PFDN1: variants seen among roughly 807,000 people sequenced by gnomAD.
The protein encoded by PFDN1 is prefoldin subunit 1, also known as prefoldin 1.
PFDN1 carries 6 observed loss-of-function variants against 17.3 expected under a neutral mutation model. The observed-to-expected ratio is 0.35, with a 90% CI of 0.19 to 0.69. The LOEUF is 0.69. Among genes scored for constraint, PFDN1 ranks in the 30% least tolerant of loss-of-function variants. The pLI is 0.65. For missense variants in PFDN1, 113 were observed against 146.2 expected (o/e 0.77, Z 1.17); for synonymous variants, 58 against 50.1 (o/e 1.16, Z -0.67).
intron 2 of PFDN1, among the ~76,000 whole-genome samples, chr5:140,298,453 C>A (rs185471440): frequency 6.6e-6 from 1 of 151,864 alleles, no homozygotes; most frequent in Non-Finnish European, 1.5e-5. Context: ...GAAAAACCCT[C>A]CTCCTGTACC....
intron 2 of PFDN1, among the ~76,000 whole-genome samples, chr5:140,297,402 A>AC (rs1765670873): frequency 1.3e-5 from 2 of 152,202 alleles, no homozygotes; most frequent in African/African-American, 2.4e-5. Context: ...CATCCTCATG[A>AC]CCAGACTAAT....
At chr5:140,282,434 C>A in intron 2 of PFDN1, among the ~76,000 whole-genome samples, 1 of 144,432 alleles carries the variant, frequency 6.9e-6, no homozygotes. Flanking sequence ...ACAGCAGTAA[C>A]TCATGACCTT....
Position 140,245,264 on chromosome 5 carries a change from G to A in PFDN1, c.*710C>T, listed in dbSNP as rs114555603. 281 of 536,956 alleles carry A rather than the reference G, an allele frequency of 5.2e-4. No homozygotes were observed. Among genetic ancestry groups the A allele is most frequent in the Admixed American group, 2.1e-3 (65 of 31,528 alleles). 33.3% of individuals were successfully genotyped at this position (536,956 alleles called of 1,614,324 possible). ...CTCTAGGAGGCCTCAGGATTATGGC[G>A]TCCATCTTATGATATTGGCCAAAAG... On this transcript the variant is annotated 3_prime_UTR_variant, in exon 4 of 4. Transcript: ENST00000261813.
intron 3 of PFDN1, chr5:140,274,074 G>T: frequency 5.9e-6 from 1 of 169,004 alleles, no homozygotes; most frequent in Non-Finnish European, 1.2e-5. Context: ...TCTGAATGCT[G>T]ACTTAAATTT....
intron 3 of PFDN1, among the ~76,000 whole-genome samples, chr5:140,259,513 A>G (rs2126681166): frequency 6.6e-6 from 1 of 152,378 alleles, no homozygotes; most frequent in East Asian, 1.9e-4. Context: ...TTAAAACCCT[A>G]CAAGTCTTCC....
chr5:140,286,302 C>T (rs1765487249), intron 2 of PFDN1, among the ~76,000 whole-genome samples: 1 of 150,038 alleles, frequency 6.7e-6, no homozygotes, highest in Non-Finnish European at 1.5e-5. Context: ...ATCCCAGCTA[C>T]TCGAGAGGCT....
At chr5:140,252,737 G>C (rs1446730283) in intron 3 of PFDN1, among the ~76,000 whole-genome samples, 1 of 152,190 alleles carries the variant, frequency 6.6e-6, no homozygotes, top group Non-Finnish European at 1.5e-5. Flanking sequence ...GTTGGTAGAA[G>C]GCAGGGGAAA....
At chr5:140,289,672 C>T (rs1765549990) in intron 2 of PFDN1, among the ~76,000 whole-genome samples, 1 of 152,174 alleles carries the variant, frequency 6.6e-6, no homozygotes, top group African/African-American at 2.4e-5. Context: ...ATCACCTGCA[C>T]CATGCATGTT....
At chr5:140,250,178 C>T (rs1339184415) in intron 3 of PFDN1, among the ~76,000 whole-genome samples, 1 of 152,134 alleles carries the variant, frequency 6.6e-6, no homozygotes, top group Non-Finnish European at 1.5e-5. Context: ...CTATTCACAC[C>T]ACAGTACTTT....
At chr5:140,296,523 T>A (rs1212231903) in intron 2 of PFDN1, among the ~76,000 whole-genome samples, 2 of 151,870 alleles carry the variant, frequency 1.3e-5, no homozygotes, top group Non-Finnish European at 2.9e-5. Context: ...GCTGAAAAAA[T>A]CTTCAGAGGC....
intron 3 of PFDN1, among the ~76,000 whole-genome samples, chr5:140,249,062 GT>G (rs1297781414): frequency 3.3e-5 from 5 of 152,186 alleles, no homozygotes; most frequent in African/African-American, 1.2e-4. Flanking sequence ...CTTTCTAACT[GT>G]ATTTCAATAA....
At chr5:140,289,029 T>TAAA (rs1765540212) in intron 2 of PFDN1, among the ~76,000 whole-genome samples, 1 of 152,176 alleles carries the variant, frequency 6.6e-6, no homozygotes, top group Admixed American at 6.5e-5. Context: ...CTCACGCCTG[T>TAAA]AATCCCAGCA....
In PFDN1 at chr5:140,300,555, T is replaced by C. The variant is rs780821305; in HGVS notation, c.61A>G (p.Ile21Val). The C allele has an allele frequency of 1.9e-6, 3 of 1,611,688 alleles. No homozygotes were observed. The highest frequency in any genetic ancestry group is 2.5e-6 in the Non-Finnish European group (3 of 1,178,908). ...AGCTTCACCTTCTGTTGAGTGTCAA[T>C]AACTTTGGCTTGAAGCTCTGTGAAG... Reference protein sequence around the residue: ...KAFTELQAKVIDTQQKVKLAD... With the variant: ...KAFTELQAKVVDTQQKVKLAD... Residue 21 changes from isoleucine to valine, a missense_variant, in exon 2 of 4, where the codon ATT becomes GTT. Coordinates refer to ENST00000261813, the MANE Select transcript of PFDN1 (RefSeq NM_002622.5).
chr5:140,277,634 G>A (rs1420382599), intron 3 of PFDN1, among the ~76,000 whole-genome samples: 1 of 151,794 alleles, frequency 6.6e-6, no homozygotes, highest in African/African-American at 2.4e-5. Context: ...AGGCTGAGGT[G>A]GGAGGATTGC....
Position 140,245,596 on chromosome 5 carries a change from C to T in PFDN1, c.*378G>A, listed in dbSNP as rs1764817241. 1 of 702,030 alleles carries T rather than the reference C, an allele frequency of 1.4e-6. No individual in the cohort carries two copies. The highest frequency in any genetic ancestry group is 2.6e-6 in the Non-Finnish European group (1 of 384,946). The allele number at this position is 702,030 out of a possible 1,614,324, so 43.5% of individuals were successfully genotyped here. A position where few individuals can be genotyped will look rare whatever the true frequency, so the allele number is the denominator to read the frequency against. ...AGACGGCCACTGCCTCTCTCACCCT[C>T]TGTTCCATCCCTCTGCTCAAGAAAA... On this transcript the variant is annotated 3_prime_UTR_variant, in exon 4 of 4. Coordinates refer to ENST00000261813, the MANE Select transcript of PFDN1 (RefSeq NM_002622.5).
chr5:140,282,451 T>C (rs1013850907), intron 2 of PFDN1, among the ~76,000 whole-genome samples: 21 of 151,092 alleles, frequency 1.4e-4, no homozygotes, highest in Admixed American at 1.4e-3. Context: ...CCTTTTAAAG[T>C]CACAATCAAG....
intron 2 of PFDN1, among the ~76,000 whole-genome samples, chr5:140,287,919 A>T (rs1439557193): frequency 6.6e-6 from 1 of 152,248 alleles, no homozygotes; most frequent in Non-Finnish European, 1.5e-5. Context: ...ATAAAATCCC[A>T]AACACTGAGA....
At chr5:140,297,148 C>T (rs1344174561) in intron 2 of PFDN1, among the ~76,000 whole-genome samples, 1 of 152,158 alleles carries the variant, frequency 6.6e-6, no homozygotes, top group African/African-American at 2.4e-5. Flanking sequence ...GGAAAATCTA[C>T]TGCATGTTCT....
intron 2 of PFDN1, among the ~76,000 whole-genome samples, chr5:140,291,779 GGT>G (rs1199740595): frequency 6.6e-6 from 1 of 152,162 alleles, no homozygotes; most frequent in African/African-American, 2.4e-5. Context: ...TGGACAGTGA[GGT>G]GGGAGGAATA....
Sources: gnomAD v4.1 joint callset for allele counts (sites outside exome capture counted in the v4.1 genomes callset) on GRCh38, gnomAD v4.1.1 for gene constraint, MANE v1.5 for transcripts, NCBI Gene and HGNC (gene_info 2026-07-23, HGNC 2026-07-21) for gene names.